MEGF10: variants seen among roughly 807,000 people sequenced by gnomAD.
MEGF10 encodes the protein multiple epidermal growth factor-like domains protein 10.
MEGF10 carries 86 observed loss-of-function variants against 147.5 expected under a neutral mutation model. That is an observed-to-expected ratio of 0.58 (90% CI 0.49 to 0.70). The LOEUF (loss-of-function observed/expected upper bound fraction) is 0.70, where lower values mean the gene tolerates loss of function less well. MEGF10 is among the 30% of genes least tolerant of loss of function. MEGF10 has a pLI of 0.00. For missense variants in MEGF10, 1,329 were observed against 1,487.3 expected, an observed-to-expected ratio of 0.89 and a Z score of 1.75; for synonymous variants, 478 against 525.5, an observed-to-expected ratio of 0.91 and a Z score of 1.24.
In MEGF10 at chr5:127,402,605, A is replaced by G; in HGVS notation, c.840A>G (p.Glu280=). The change falls in exon 8 of 25, where the codon GAA becomes GAG. Residue 280 remains glutamate (E), a synonymous_variant. Coordinates refer to ENST00000503335, the MANE Select transcript of MEGF10 (RefSeq NM_001256545.2). ...EGRFGKNCSQ[E]CQCHNGGTCD... The stretch of plus-strand genomic sequence containing the variant: ...GCTTTGGAAAGAACTGTTCCCAAGA[A>G]TGCCAGTGCCATAATGGAGGGACGT... The G allele has an allele frequency of 6.2e-7, 1 of 1,614,160 alleles. No individual in the cohort carries two copies. Among genetic ancestry groups the G allele is most frequent in the Non-Finnish European group, 8.5e-7 (1 of 1,180,012 alleles).
intron 23 of MEGF10, among the ~76,000 whole-genome samples, chr5:127,455,187 A>G (rs1766312648): frequency 6.6e-6 from 1 of 152,218 alleles, no homozygotes; most frequent in Non-Finnish European, 1.5e-5. Flanking sequence ...AATGATATTG[A>G]TGTCAGTACT....
chr5:127,394,070 G>A (rs557621160), intron 5 of MEGF10, among the ~76,000 whole-genome samples: 4 of 152,218 alleles, frequency 2.6e-5, no homozygotes, highest in South Asian at 2.1e-4. Flanking sequence ...ATAACCCACC[G>A]TGATTTTTAA....
chr5:127,393,525 T>C (rs1253179327), intron 5 of MEGF10, among the ~76,000 whole-genome samples: 1 of 152,232 alleles, frequency 6.6e-6, no homozygotes, highest in East Asian at 1.9e-4. Context: ...CTACTTGTTC[T>C]TATACCTATT....
chr5:127,246,210 G>A, the MEGF10 span, among the ~76,000 whole-genome samples: 5 of 152,098 alleles, frequency 3.3e-5, no homozygotes, highest in Non-Finnish European at 1.5e-5. Flanking sequence ...CAATCCAAAT[G>A]CCCATCAATG....
chr5:127,271,210 C>A, the MEGF10 span, among the ~76,000 whole-genome samples: 1 of 152,180 alleles, frequency 6.6e-6, no homozygotes, highest in African/African-American at 2.4e-5. Context: ...CTCTCCATAA[C>A]CTCACCAGCA....
chr5:127,435,595 G>T (rs1009803361), intron 16 of MEGF10, 106 bp downstream of exon 16: 3 of 1,113,476 alleles, frequency 2.7e-6, no homozygotes, highest in African/African-American at 3.3e-5. Flanking sequence ...AAGAATATAT[G>T]ACTAATTAAA....
chr5:127,425,394 G>T (rs17164956), intron 13 of MEGF10, among the ~76,000 whole-genome samples: 9,614 of 152,156 alleles, frequency 0.063, 1,041 homozygotes, highest in African/African-American at 0.22. Context: ...CTGCCTCATG[G>T]TCTGTCAGTC....
At chr5:127,312,098 C>T (rs1387989215) in intron 1 of MEGF10, among the ~76,000 whole-genome samples, 1 of 152,218 alleles carries the variant, frequency 6.6e-6, no homozygotes, top group Non-Finnish European at 1.5e-5. Flanking sequence ...TCTCGCCTTG[C>T]TCCTTCCTCT....
At chr5:127,442,879 C>T in intron 18 of MEGF10, 119 bp from the exon 19 acceptor site, 1 of 1,045,944 alleles carries the variant, frequency 9.6e-7, no homozygotes, top group Non-Finnish European at 1.4e-6. Flanking sequence ...GGGTACAAGT[C>T]AGCCTCAATA....
chr5:127,232,530 T>C, the MEGF10 span, among the ~76,000 whole-genome samples: 2 of 152,216 alleles, frequency 1.3e-5, no homozygotes, highest in Non-Finnish European at 2.9e-5. Flanking sequence ...TGCTAGGTAC[T>C]TGGGAAACAG....
intron 13 of MEGF10, among the ~76,000 whole-genome samples, chr5:127,423,625 A>G (rs1765105528): frequency 1.3e-5 from 2 of 152,314 alleles, no homozygotes; most frequent in South Asian, 4.1e-4. Flanking sequence ...TTCCATTTCC[A>G]TGATGGCTGA....
intron 20 of MEGF10, among the ~76,000 whole-genome samples, chr5:127,446,650 G>T (rs117825998): frequency 0.026 from 3,968 of 152,306 alleles, 49 homozygotes; most frequent in East Asian, 0.045. Context: ...TGAAAGTGCA[G>T]TTCAGAGAAC....
chr5:127,449,106 A>C lies in MEGF10; in HGVS notation c.2864A>C (p.Asn955Thr), dbSNP rs1353393054. 6.2e-7 allele frequency: 1 copy of C among 1,614,120 alleles called. No individual in the cohort carries two copies. The highest frequency in any genetic ancestry group is 2.2e-5 in the East Asian group (1 of 44,886). Residue 955 changes from asparagine to threonine, a missense_variant, in exon 22 of 25, where the codon AAC becomes ACC. Physicochemically the swap from Asn to Thr is moderately conservative, Grantham distance 65. Coordinates refer to ENST00000503335, the MANE Select transcript of MEGF10 (RefSeq NM_001256545.2). ...RDRMTVTKSK[N>T]NQLFVNLKNV... The stretch of plus-strand genomic sequence containing the variant: ...TGTTTATATTTTTAACAGTCAAAAA[A>C]CAATCAACTGTTTGTGAATCTTAAA...
At chr5:127,435,521 G>C in intron 16 of MEGF10, 32 bp downstream of exon 16, 1 of 1,576,158 alleles carries the variant, frequency 6.3e-7, no homozygotes, top group East Asian at 2.3e-5. Context: ...TTAATAAACT[G>C]TTCTTATTTG....
At chr5:127,234,114 G>C in the MEGF10 span, among the ~76,000 whole-genome samples, 1 of 152,194 alleles carries the variant, frequency 6.6e-6, no homozygotes, top group Admixed American at 6.5e-5. Flanking sequence ...AAGCCCCCAG[G>C]ATCCTCCTGT....
At chr5:127,372,521 C>T (rs905304922) in intron 5 of MEGF10, among the ~76,000 whole-genome samples, 2 of 152,148 alleles carry the variant, frequency 1.3e-5, no homozygotes, top group African/African-American at 2.4e-5. Context: ...CTTTCTCTTC[C>T]GGATTCCAGC....
At chr5:127,343,605 A>G (rs1363302352) in intron 4 of MEGF10, among the ~76,000 whole-genome samples, 3 of 152,128 alleles carry the variant, frequency 2.0e-5, no homozygotes, top group African/African-American at 7.2e-5. Context: ...CTTCACAAAT[A>G]TTAAAAGTAG....
intron 1 of MEGF10, among the ~76,000 whole-genome samples, chr5:127,305,473 T>C (rs1014157646): frequency 1.3e-5 from 2 of 152,054 alleles, no homozygotes; most frequent in African/African-American, 4.8e-5. Flanking sequence ...AGATCCTGCT[T>C]CCAGAAGAGT....
the MEGF10 span, among the ~76,000 whole-genome samples, chr5:127,268,405 G>A: frequency 6.6e-6 from 1 of 152,232 alleles, no homozygotes; most frequent in African/African-American, 2.4e-5. Flanking sequence ...TTGATTTGGG[G>A]TGGAGAGTTC....
Sources: gnomAD v4.1 joint callset for allele counts (sites outside exome capture counted in the v4.1 genomes callset) on GRCh38, gnomAD v4.1.1 for gene constraint, MANE v1.5 for transcripts, NCBI Gene and HGNC (gene_info 2026-07-23, HGNC 2026-07-21) for gene names.